The following SYT1 variants were observed in gnomAD, a reference collection of about 807,000 sequenced individuals.
SYT1 encodes synaptotagmin 1.
SYT1 carries 8 observed loss-of-function variants against 44.8 expected under a neutral mutation model. The observed-to-expected ratio is 0.18, with a 90% CI of 0.10 to 0.32. The LOEUF is 0.32. SYT1 is among the 10% of genes least tolerant of loss of function. The pLI, the probability that SYT1 is intolerant of heterozygous loss-of-function variation, is 1.00. For missense variants in SYT1, 286 were observed against 509.3 expected (o/e 0.56, Z 4.22); for synonymous variants, 154 against 188.8 (o/e 0.82, Z 1.51).
At chr12:79,014,486 G>A (rs1167917781) in intron 2 of SYT1, among the ~76,000 whole-genome samples, 1 of 152,050 alleles carries the variant, frequency 6.6e-6, no homozygotes, top group African/African-American at 2.4e-5. Flanking sequence ...GGCCATCAGA[G>A]AAATGCAAAT....
At chr12:79,040,609 C>T (rs1225116569) in intron 2 of SYT1, among the ~76,000 whole-genome samples, 3 of 151,788 alleles carry the variant, frequency 2.0e-5, no homozygotes, top group Admixed American at 2.0e-4. Context: ...TTTTGCTGTG[C>T]AGAAGCTCTT....
chr12:79,403,955 C>T (rs1885156312), intron 9 of SYT1, among the ~76,000 whole-genome samples: 1 of 152,132 alleles, frequency 6.6e-6, no homozygotes, highest in Non-Finnish European at 1.5e-5. Flanking sequence ...TTCCAACAAA[C>T]ATGGGTGTAA....
intron 2 of SYT1, among the ~76,000 whole-genome samples, chr12:78,991,076 C>A (rs900869433): frequency 6.6e-5 from 10 of 152,070 alleles, no homozygotes; most frequent in African/African-American, 2.4e-4. Flanking sequence ...GTATTCTTAT[C>A]TAACAATTTA....
chr12:79,016,855 TG>T (rs1451108649), intron 2 of SYT1, among the ~76,000 whole-genome samples: 2 of 152,156 alleles, frequency 1.3e-5, no homozygotes, highest in Non-Finnish European at 2.9e-5. Context: ...ATTTTTTATT[TG>T]AAATGTAGTG....
chr12:79,431,093 T>TGTCA (rs1384926863), intron 9 of SYT1, among the ~76,000 whole-genome samples: 1 of 152,248 alleles, frequency 6.6e-6, no homozygotes, highest in Non-Finnish European at 1.5e-5. Context: ...AGGTGAAAGA[T>TGTCA]GTCAGCCTGG....
At chr12:79,324,268 A>T (rs753175752) in intron 8 of SYT1, among the ~76,000 whole-genome samples, 22 of 152,230 alleles carry the variant, frequency 1.4e-4, no homozygotes, top group Admixed American at 7.9e-4. Context: ...TTTTCAATAT[A>T]CAAAAATACA....
In SYT1 at chr12:79,299,399, T is replaced by C. The variant is rs542502300; in HGVS notation, c.658T>C (p.Leu220=). The C allele has an allele frequency of 2.5e-6, 4 of 1,613,206 alleles. No individual in the cohort carries two copies. The highest frequency in any genetic ancestry group is 2.2e-5 in the East Asian group (1 of 44,854). Residue 220 remains leucine, a synonymous_variant, in exon 8 of 11, where the codon TTG becomes CTG. Coordinates refer to ENST00000261205, the MANE Select transcript of SYT1 (RefSeq NM_005639.3). The part of the protein sequence containing the change: ...QFTFKVPYSE[L]GGKTLVMAVY... ...TTTAATTTAGGTACCATACTCGGAA[T>C]TGGGTGGCAAAACCCTAGTGATGGC...
At chr12:79,180,287 C>T (rs887653267) in intron 3 of SYT1, among the ~76,000 whole-genome samples, 2 of 151,994 alleles carry the variant, frequency 1.3e-5, no homozygotes, top group African/African-American at 4.8e-5. Flanking sequence ...GAATTCCTTA[C>T]ACACTATCCT....
intron 3 of SYT1, among the ~76,000 whole-genome samples, chr12:79,054,923 T>G (rs1398056326): frequency 6.6e-6 from 1 of 151,964 alleles, no homozygotes; most frequent in Non-Finnish European, 1.5e-5. Context: ...CCCACAATCA[T>G]TATTATTCAT....
At chr12:79,088,539 C>T (rs944395130) in intron 3 of SYT1, among the ~76,000 whole-genome samples, 1 of 151,724 alleles carries the variant, frequency 6.6e-6, no homozygotes, top group Non-Finnish European at 1.5e-5. Flanking sequence ...AGTTGAAAGA[C>T]TTGCTGGAGG....
intron 1 of SYT1, among the ~76,000 whole-genome samples, chr12:78,957,940 T>C (rs1879295121): frequency 6.6e-6 from 1 of 152,198 alleles, no homozygotes; most frequent in Admixed American, 6.6e-5. Flanking sequence ...AGCCTTCAGA[T>C]AATTTTCAAA....
intron 4 of SYT1, among the ~76,000 whole-genome samples, chr12:79,284,005 T>A (rs1283398312): frequency 6.6e-6 from 1 of 152,078 alleles, no homozygotes; most frequent in Non-Finnish European, 1.5e-5. Context: ...TAAGTGTTTT[T>A]ACTTTATCAA....
At chr12:79,035,073 G>T (rs575251003) in intron 2 of SYT1, among the ~76,000 whole-genome samples, 1 of 151,650 alleles carries the variant, frequency 6.6e-6, no homozygotes, top group South Asian at 2.1e-4. Context: ...TCATCACAGG[G>T]TATGGTACTG....
intron 1 of SYT1, among the ~76,000 whole-genome samples, chr12:78,956,778 A>G (rs764372166): frequency 2.0e-5 from 3 of 152,148 alleles, no homozygotes; most frequent in African/African-American, 7.2e-5. Context: ...CATAAGTTCT[A>G]TCAAGTTCAA....
chr12:79,343,092 TC>T (rs1882452000), intron 8 of SYT1, among the ~76,000 whole-genome samples: 1 of 152,062 alleles, frequency 6.6e-6, no homozygotes, highest in African/African-American at 2.4e-5. Flanking sequence ...TATTATAGAA[TC>T]CAAGGAAAGA....
At chr12:79,445,796 TC>T (rs1398255113) in intron 10 of SYT1, among the ~76,000 whole-genome samples, 1 of 150,148 alleles carries the variant, frequency 6.7e-6, no homozygotes, top group Non-Finnish European at 1.5e-5. Context: ...TTTAATCTAT[TC>T]TTAGAAGACA....
intron 1 of SYT1, among the ~76,000 whole-genome samples, chr12:78,877,560 A>G (rs376853453): frequency 5.3e-5 from 8 of 151,816 alleles, no homozygotes; most frequent in African/African-American, 1.9e-4. Context: ...ATGAAATATT[A>G]CTTGTTATGC....
chr12:78,934,430 A>G (rs940729448), intron 1 of SYT1, among the ~76,000 whole-genome samples: 2 of 152,094 alleles, frequency 1.3e-5, no homozygotes, highest in Non-Finnish European at 2.9e-5. Context: ...TCAGCTACCC[A>G]GGAAGCTGAG....
chr12:79,089,811 C>T (rs1304229568), intron 3 of SYT1, among the ~76,000 whole-genome samples: 1 of 152,026 alleles, frequency 6.6e-6, no homozygotes, highest in Non-Finnish European at 1.5e-5. Context: ...TCAAATTGAA[C>T]CCTGGTCTAT....
Sources: gnomAD v4.1 joint callset for allele counts (sites outside exome capture counted in the v4.1 genomes callset) on GRCh38, gnomAD v4.1.1 for gene constraint, MANE v1.5 for transcripts, NCBI Gene and HGNC (gene_info 2026-07-23, HGNC 2026-07-21) for gene names.